The following FOXP1 variants were observed in gnomAD, a reference collection of about 807,000 sequenced individuals.
The protein encoded by FOXP1 is forkhead box P1.
A neutral mutation model predicts 98.2 loss-of-function variants in FOXP1; 15 were observed. The observed-to-expected ratio is 0.15, with a 90% CI of 0.10 to 0.24. The LOEUF (loss-of-function observed/expected upper bound fraction) is 0.24. Ranked by LOEUF, FOXP1 falls within the 10% of genes least tolerant of loss-of-function variation. FOXP1 has a pLI of 1.00. For synonymous variants in FOXP1, 371 were observed against 314.5 expected (o/e 1.18, Z -1.90); for missense variants, 633 against 848.5 (o/e 0.75, Z 3.15).
At chr3:71,307,500 G>A (rs1353488266) in intron 4 of FOXP1, among the ~76,000 whole-genome samples, 1 of 152,166 alleles carries the variant, frequency 6.6e-6, no homozygotes, top group East Asian at 1.9e-4. Flanking sequence ...ATAAAACACA[G>A]GTTCTCTAAG....
intron 3 of FOXP1, among the ~76,000 whole-genome samples, chr3:71,400,628 G>A (rs2081897642): frequency 6.6e-6 from 1 of 152,142 alleles, no homozygotes; most frequent in South Asian, 2.1e-4. Context: ...AAAGTTCTGG[G>A]ATCAATGCCT....
chr3:71,345,592 A>G (rs1345602088), intron 4 of FOXP1, among the ~76,000 whole-genome samples: 1 of 151,766 alleles, frequency 6.6e-6, no homozygotes, highest in Non-Finnish European at 1.5e-5. Context: ...CTTTTTTCCT[A>G]CCCTGGTGTT....
rs2036735068 is a variant in FOXP1 at position 70,973,285 on chromosome 3, T to TATGTC, written c.1531-614_1531-610dup. Among the ~76,000 whole-genome samples, 3 of 143,268 alleles carry TATGTC rather than the reference T, an allele frequency of 2.1e-5. No individual in the cohort carries two copies. The South Asian group carries it at 7.2e-4, about 34-fold the overall frequency. 94.0% of individuals were successfully genotyped at this position (143,268 alleles called of 152,430 possible). A position where few individuals can be genotyped will look rare whatever the true frequency, so the allele number is the denominator to read the frequency against. On this transcript the variant is annotated intron_variant, in intron 17 of 20. Coordinates refer to ENST00000649528, the MANE Select transcript of FOXP1 (RefSeq NM_001349338.3). ...GTCAAGAGATCAGTAGCTATCATGT[T>TATGTC]ATGTCTCACCTTCCAGAATATGAGA...
chr3:71,539,506 CA>C (rs34557857), intron 2 of FOXP1, among the ~76,000 whole-genome samples: 90,023 of 144,640 alleles, frequency 0.62, 28,636 homozygotes, highest in Non-Finnish European at 0.67. Context: ...CGATTTCTGC[CA>C]AAAAAAAAAA....
rs187179791 is a variant in FOXP1 at position 71,483,288 on chromosome 3, A to C, written c.-168+10138T>G. Among the ~76,000 whole-genome samples the C allele has an allele frequency of 3.5e-3, 532 of 152,332 alleles. 3 individuals carry two copies. The highest frequency in any genetic ancestry group is 0.012 in the African/African-American group (514 of 41,560). ...CCTCACTAAATTGTACTCTAAATCAATAATTATGCAGAACAGCCTGTCTCA... is the reference window on the plus strand; with the variant it reads ...CCTCACTAAATTGTACTCTAAATCACTAATTATGCAGAACAGCCTGTCTCA... On this transcript the variant is annotated intron_variant, in intron 3 of 20. Transcript: ENST00000649528.
intron 5 of FOXP1, among the ~76,000 whole-genome samples, chr3:71,299,091 G>A (rs1219965781): frequency 6.6e-6 from 1 of 152,108 alleles, no homozygotes; most frequent in Non-Finnish European, 1.5e-5. Context: ...TTATCAGAGA[G>A]GTACTTTTGA....
intron 3 of FOXP1, among the ~76,000 whole-genome samples, chr3:71,470,825 T>C (rs2089270982): frequency 6.6e-6 from 1 of 152,238 alleles, no homozygotes; most frequent in Admixed American, 6.5e-5. Flanking sequence ...AAACTTCAAC[T>C]ATTCAGTGTA....
intron 5 of FOXP1, among the ~76,000 whole-genome samples, chr3:71,216,730 G>A (rs563498375): frequency 6.6e-6 from 1 of 152,080 alleles, no homozygotes; most frequent in Admixed American, 6.5e-5. Context: ...CAAAGTATGA[G>A]GGAAAAGGAT....
At chr3:71,131,357 T>C (rs893810531) in intron 6 of FOXP1, among the ~76,000 whole-genome samples, 1 of 130,382 alleles carries the variant, frequency 7.7e-6, no homozygotes, top group Non-Finnish European at 1.5e-5. Context: ...GCACAGCAAG[T>C]CAGCTTGAAA....
rs756099573 is a variant in FOXP1 at position 71,198,260 on chromosome 3, G to C, written c.122C>G (p.Thr41Arg). The C allele has an allele frequency of 6.2e-7, 1 of 1,614,146 alleles. No individual in the cohort carries two copies. The highest frequency in any genetic ancestry group is 1.3e-5 in the African/African-American group (1 of 75,070). ...AGCTGCCCCGATGTCCACGGCCGGC[G>C]TCTCTCCGTTGGACCGCCCCTCCCG... ...GLREGRSNGE[T>R]PAVDIGAADL... The change falls in exon 6 of 21, where the codon ACG (threonine) becomes AGG (arginine). Residue 41 changes from threonine to arginine, a missense_variant. Around this residue, in one of 6 missense-constraint regions of FOXP1, gnomAD observed 103 missense variants for 85.5 expected, o/e 1.20. Transcript: ENST00000649528.
At chr3:71,416,400 G>C (rs2083213356) in intron 3 of FOXP1, among the ~76,000 whole-genome samples, 1 of 152,030 alleles carries the variant, frequency 6.6e-6, no homozygotes, top group African/African-American at 2.4e-5. Context: ...AAATTTGCCA[G>C]GTATGGTGGT....
intron 5 of FOXP1, among the ~76,000 whole-genome samples, chr3:71,233,824 T>C (rs1030179817): frequency 6.6e-6 from 1 of 152,176 alleles, no homozygotes; most frequent in African/African-American, 2.4e-5. Flanking sequence ...TTAAAATGCA[T>C]AAAAGTGGAA....
intron 12 of FOXP1, among the ~76,000 whole-genome samples, chr3:71,001,497 A>T (rs2042121123): frequency 1.3e-5 from 2 of 152,204 alleles, no homozygotes; most frequent in Admixed American, 1.3e-4. Context: ...AAATGCATTC[A>T]CGTGAATGTC....
intron 12 of FOXP1, among the ~76,000 whole-genome samples, chr3:71,008,813 T>C (rs2043134637): frequency 6.6e-6 from 1 of 151,944 alleles, no homozygotes; most frequent in Non-Finnish European, 1.5e-5. Flanking sequence ...AAGTGTCAAA[T>C]CTCTGGTTTT....
intron 13 of FOXP1, 37 bp downstream of exon 13, chr3:71,000,935 A>G (rs143480945): frequency 7.4e-7 from 1 of 1,355,954 alleles, no homozygotes; most frequent in South Asian, 1.2e-5. Context: ...AATTTGAGGC[A>G]TACTGAGGTT....
chr3:71,467,078 T>C (rs888754096), intron 3 of FOXP1, among the ~76,000 whole-genome samples: 1 of 152,204 alleles, frequency 6.6e-6, no homozygotes, highest in Admixed American at 6.5e-5. Flanking sequence ...ACCACAGATG[T>C]TGCGAGCTTG....
At chr3:71,137,802 T>TA (rs1560007138) in intron 6 of FOXP1, among the ~76,000 whole-genome samples, 131 of 148,774 alleles carry the variant, frequency 8.8e-4, no homozygotes, top group African/African-American at 1.9e-3. Flanking sequence ...ATTATTATTT[T>TA]TTTTTTTTGG....
chr3:71,324,993 G>T (rs989549267), intron 4 of FOXP1, among the ~76,000 whole-genome samples: 1 of 151,700 alleles, frequency 6.6e-6, no homozygotes, highest in Non-Finnish European at 1.5e-5. Context: ...TGGACCCAGC[G>T]CTGCTCTACA....
At chr3:71,152,489 A>G (rs945076752) in intron 6 of FOXP1, among the ~76,000 whole-genome samples, 1 of 152,172 alleles carries the variant, frequency 6.6e-6, no homozygotes, top group African/African-American at 2.4e-5. Context: ...GAAACCTTGC[A>G]TAGTATATGA....
Sources: allele counts gnomAD v4.1 joint callset (sites outside exome capture counted in the v4.1 genomes callset), GRCh38; gene constraint gnomAD v4.1.1; regional missense constraint gnomAD v4.1.1; transcripts MANE v1.5; gene names NCBI Gene and HGNC (gene_info 2026-07-23, HGNC 2026-07-21).